The following LPCAT3 variants were observed in gnomAD, a reference collection of about 807,000 sequenced individuals.
LPCAT3 encodes lysophospholipid acyltransferase 5.
LPCAT3 carries 21 observed loss-of-function variants against 63.4 expected under a neutral mutation model. The observed-to-expected ratio is 0.33, with a 90% CI of 0.23 to 0.48. LPCAT3 has a LOEUF of 0.48. Among genes scored for constraint, LPCAT3 ranks in the 20% least tolerant of loss-of-function variants. The probability of loss-of-function intolerance (pLI) is 0.99; values close to 1 mark genes in which losing one functional copy is unlikely to be tolerated. For synonymous variants in LPCAT3, 242 were observed against 227.5 expected (o/e 1.06, Z -0.58); for missense variants, 451 against 590.6 (o/e 0.76, Z 2.45).
intron 1 of LPCAT3, among the ~76,000 whole-genome samples, chr12:7,002,240 T>C (rs1946693273): frequency 6.6e-6 from 1 of 152,170 alleles, no homozygotes; most frequent in African/African-American, 2.4e-5. Flanking sequence ...ACACTTGAAG[T>C]TTTATCCCCA....
In LPCAT3 at chr12:6,985,167, G is replaced by A. The variant is rs782785478; in HGVS notation, c.152-1628C>T. On this transcript the variant is annotated intron_variant, in intron 1 of 12. Coordinates refer to ENST00000261407, the MANE Select transcript of LPCAT3 (RefSeq NM_005768.6). ...AGCACTATGGGAGGCTGAGACGGGC[G>A]GATCATGAGGACAGGAGATCGAGAC... 2.4e-4 allele frequency among the ~76,000 whole-genome samples: 37 copies of A among 151,072 alleles called. 1 individual carries two copies. In the South Asian group the frequency reaches 6.7e-3, roughly 28 times the overall value.
chr12:6,998,041 G>T (rs1946653333), intron 1 of LPCAT3, among the ~76,000 whole-genome samples: 2 of 151,996 alleles, frequency 1.3e-5, no homozygotes, highest in African/African-American at 2.4e-5. Flanking sequence ...TTTGAGGCAG[G>T]GTCTTGCTCT....
rs782110330 is a variant in LPCAT3, at chr12:6,978,656, G to A, written c.820C>T (p.Leu274=). 2 of 1,614,066 alleles carry A rather than the reference G, an allele frequency of 1.2e-6. No homozygotes were observed. Among genetic ancestry groups the A allele is most frequent in the Non-Finnish European group, 1.7e-6 (2 of 1,180,038 alleles). ...HPFWFRCMYM[L]IWGKFVLYKY... is the part of the protein sequence containing the mutation. The stretch of plus-strand genomic sequence containing the variant: ...TACAGCACAAACTTGCCCCAGATCA[G>A]CATGTACATGCAGCGGAACCAGAAG... Residue 274 remains leucine (L), a synonymous_variant, in exon 8 of 13, where the codon CTG becomes TTG. Transcript: ENST00000261407.
At chr12:7,001,776 C>T (rs903925799) in intron 1 of LPCAT3, among the ~76,000 whole-genome samples, 1 of 152,108 alleles carries the variant, frequency 6.6e-6, no homozygotes, top group African/African-American at 2.4e-5. Context: ...AGCATGGAAC[C>T]CCTCTTCCTT....
At chr12:6,984,418 G>T (rs1429195046) in intron 1 of LPCAT3, among the ~76,000 whole-genome samples, 2 of 152,210 alleles carry the variant, frequency 1.3e-5, no homozygotes, top group Non-Finnish European at 2.9e-5. Context: ...CACCTTCAGT[G>T]TTCTATCTAG....
chr12:6,992,844 A>G (rs1946601572), intron 1 of LPCAT3, among the ~76,000 whole-genome samples: 1 of 152,220 alleles, frequency 6.6e-6, no homozygotes, highest in African/African-American at 2.4e-5. Context: ...CAAGTCCCTT[A>G]TATAATATGG....
At chr12:6,995,541 G>A (rs1555155940) in intron 1 of LPCAT3, among the ~76,000 whole-genome samples, 1 of 151,266 alleles carries the variant, frequency 6.6e-6, no homozygotes. Context: ...AAATCCTGTT[G>A]ATTCCTCCTT....
intron 1 of LPCAT3, among the ~76,000 whole-genome samples, chr12:6,996,886 A>G (rs183792376): frequency 1.1e-4 from 17 of 152,356 alleles, no homozygotes; most frequent in Middle Eastern, 6.8e-3. Context: ...GTAAAGACAC[A>G]GCGGTAGGAA....
Position 6,977,591 on chromosome 12 carries a change from G to T in LPCAT3, c.1188+7C>A. The T allele has an allele frequency of 6.2e-7, 1 of 1,614,172 alleles. No individual in the cohort carries two copies. Among genetic ancestry groups the T allele is most frequent in the Non-Finnish European group, 8.5e-7 (1 of 1,180,030 alleles). Reference sequence around the variant, plus strand: ...TATTCCCCTTCACCCCCACCCTGGAGGCCTACCTGTCTTTCCACAATAACA... The same window carrying T: ...TATTCCCCTTCACCCCCACCCTGGATGCCTACCTGTCTTTCCACAATAACA... On this transcript the variant is annotated splice_region_variant and intron_variant, in intron 10 of 12. Coordinates refer to ENST00000261407, the MANE Select transcript of LPCAT3 (RefSeq NM_005768.6). This position sits in a 1 kb window ranked among gnomAD's most constrained non-coding sequence, Gnocchi z 4.5.
chr12:6,983,040 A>G lies in LPCAT3; in HGVS notation c.260-258T>C, dbSNP rs1555154349. Reference sequence around the variant, plus strand: ...TCTGTTGTCCAGACTTGAGTGCAGTAGCTCAATCATAGCTCACTGCAGCCT... The same window carrying G: ...TCTGTTGTCCAGACTTGAGTGCAGTGGCTCAATCATAGCTCACTGCAGCCT... On this transcript the variant is annotated intron_variant, in intron 2 of 12. Transcript: ENST00000261407. The G allele has an allele frequency of 2.4e-5, 14 of 576,320 alleles. 1 individual carries two copies. Among genetic ancestry groups the G allele is most frequent in the East Asian group, 7.8e-5 (2 of 25,712 alleles). 35.7% of individuals were successfully genotyped at this position (576,320 alleles called of 1,614,324 possible). A position where few individuals can be genotyped will look rare whatever the true frequency, so the allele number is the denominator to read the frequency against.
At chr12:6,997,820 A>T (rs1266766627) in intron 1 of LPCAT3, among the ~76,000 whole-genome samples, 1 of 152,130 alleles carries the variant, frequency 6.6e-6, no homozygotes, top group Non-Finnish European at 1.5e-5. Flanking sequence ...TCCTGACCTC[A>T]GGTGATCCTC....
chr12:7,012,263 C>T (rs1158369263), intron 1 of LPCAT3, among the ~76,000 whole-genome samples: 1 of 152,190 alleles, frequency 6.6e-6, no homozygotes, highest in Non-Finnish European at 1.5e-5. Context: ...CTTGGTTTAA[C>T]CACTGAGAGT....
chr12:7,012,815 C>T (rs1946772635), intron 1 of LPCAT3, among the ~76,000 whole-genome samples: 1 of 152,214 alleles, frequency 6.6e-6, no homozygotes, highest in African/African-American at 2.4e-5. Context: ...TGATCCTCCA[C>T]TTGATCTCTG....
intron 1 of LPCAT3, among the ~76,000 whole-genome samples, chr12:6,995,785 C>T (rs975161559): frequency 6.6e-6 from 1 of 152,154 alleles, no homozygotes; most frequent in Non-Finnish European, 1.5e-5. Flanking sequence ...AGTCAGCAAT[C>T]CTGTCTGTTC....
intron 1 of LPCAT3, among the ~76,000 whole-genome samples, chr12:7,008,036 G>C (rs778291944): frequency 4.6e-4 from 70 of 152,022 alleles, no homozygotes; most frequent in Admixed American, 7.2e-4. Context: ...AAGATGTCCA[G>C]AGCTTCATCT....
Position 7,000,168 on chromosome 12 carries a change from C to T in LPCAT3, c.152-16629G>A, listed in dbSNP as rs993132193. ...CTCCTGACCTCTGGTGATCCGCCCG[C>T]CTCAGACTCCCAAAGTGCTGGGATT... On this transcript the variant is annotated intron_variant, in intron 1 of 12. Coordinates refer to ENST00000261407, the MANE Select transcript of LPCAT3 (RefSeq NM_005768.6). Among the ~76,000 whole-genome samples the T allele has an allele frequency of 5.9e-5, 9 of 152,036 alleles. 1 individual carries two copies. The highest frequency in any genetic ancestry group is 2.2e-4 in the African/African-American group (9 of 41,482).
At chr12:7,008,900 A>G (rs1047080515) in intron 1 of LPCAT3, among the ~76,000 whole-genome samples, 1 of 152,332 alleles carries the variant, frequency 6.6e-6, no homozygotes, top group Admixed American at 6.5e-5. Flanking sequence ...ACATCTCTTT[A>G]TTCCTCAGAT....
At chr12:7,000,639 C>T (rs1468288830) in intron 1 of LPCAT3, among the ~76,000 whole-genome samples, 3 of 149,030 alleles carry the variant, frequency 2.0e-5, no homozygotes, top group East Asian at 2.0e-4. Context: ...CATACATGTA[C>T]TTCCTTCAGG....
rs782181967 is a variant in LPCAT3 at position 6,988,961 on chromosome 12, T to TA, written c.152-5423dup. On this transcript the variant is annotated intron_variant, in intron 1 of 12. Coordinates refer to ENST00000261407, the MANE Select transcript of LPCAT3 (RefSeq NM_005768.6). ...CAACATGGAGAAACCCTGTCTCTAC[T>TA]AAAAAAAATACAAAATTAGCTGGGC... is the stretch of plus-strand genomic sequence containing the variant. 6.1e-4 allele frequency among the ~76,000 whole-genome samples: 93 copies of TA among 151,638 alleles called. 1 individual carries two copies. The highest frequency in any genetic ancestry group is 4.3e-3 in the Admixed American group (65 of 15,188).
Sources: allele counts gnomAD v4.1 joint callset (sites outside exome capture counted in the v4.1 genomes callset), GRCh38; gene constraint gnomAD v4.1.1; non-coding constraint Gnocchi (gnomAD v3.1); transcripts MANE v1.5; gene names NCBI Gene and HGNC (gene_info 2026-07-23, HGNC 2026-07-21).